Variants in ANKRD13C observed in about 807,000 individuals in gnomAD.
The protein encoded by ANKRD13C is ankyrin repeat domain 13C.
In ANKRD13C, 16 loss-of-function variants were observed where a neutral mutation model predicts 65.5. That is an observed-to-expected ratio of 0.24 (90% CI 0.17 to 0.37). ANKRD13C has a LOEUF of 0.37. ANKRD13C is among the 10% of genes least tolerant of loss of function. The probability of loss-of-function intolerance (pLI) is 1.00; values close to 1 mark genes in which losing one functional copy is unlikely to be tolerated. For synonymous variants in ANKRD13C, 235 were observed against 238.7 expected, an observed-to-expected ratio of 0.98 and a Z score of 0.14; for missense variants, 503 against 655.9, an observed-to-expected ratio of 0.77 and a Z score of 2.55.
intron 6 of ANKRD13C, among the ~76,000 whole-genome samples, chr1:70,302,741 A>G (rs1456967060): frequency 1.8e-5 from 2 of 109,146 alleles, no homozygotes; most frequent in East Asian, 4.5e-4. Context: ...AAAAAAAAAA[A>G]AAAAAAAAAA....
At chr1:70,331,778 T>A (rs1193644482) in intron 2 of ANKRD13C, among the ~76,000 whole-genome samples, 1 of 116,556 alleles carries the variant, frequency 8.6e-6, no homozygotes, top group Admixed American at 1.3e-4. Flanking sequence ...GCCGAGATCA[T>A]CCCACTGCAC....
At chr1:70,294,005 C>T (rs988430932) in intron 8 of ANKRD13C, among the ~76,000 whole-genome samples, 4 of 152,048 alleles carry the variant, frequency 2.6e-5, no homozygotes, top group African/African-American at 9.7e-5. Context: ...TGTCCAAAAA[C>T]AAGACTGAAT....
intron 1 of ANKRD13C, among the ~76,000 whole-genome samples, chr1:70,350,228 T>C (rs1572190137): frequency 6.6e-6 from 1 of 152,272 alleles, no homozygotes; most frequent in South Asian, 2.1e-4. Context: ...CCTGTTGTCT[T>C]TGCTCACAAG....
Position 70,343,505 on chromosome 1 carries a change from C to T in ANKRD13C, c.431-7406G>A, listed in dbSNP as rs557941856. Among the ~76,000 whole-genome samples, 18 of 152,280 alleles carry T rather than the reference C, an allele frequency of 1.2e-4. No individual in the cohort carries two copies. In the South Asian group the frequency reaches 3.3e-3, roughly 28 times the overall value. On this transcript the variant is annotated intron_variant, in intron 1 of 12. Transcript: ENST00000370944. ...GGTAAACTAAATCGAATTGTTTTGT[C>T]GAACAAGTGAAAAACATCCAGTAAT...
Position 70,308,984 on chromosome 1 carries a change from AAG to A in ANKRD13C, c.710-2696_710-2695del, listed in dbSNP as rs374417466. On this transcript the variant is annotated intron_variant, in intron 5 of 12. Coordinates refer to ENST00000370944, the MANE Select transcript of ANKRD13C (RefSeq NM_030816.5). ...CATAATTCACTAAACAGAAAATAAA[AAG>A]AGAGTTTTTAAATTTAAATTTTCAT... 5.5e-4 allele frequency among the ~76,000 whole-genome samples: 84 copies of A among 152,158 alleles called. 2 individuals are homozygous for A. The East Asian group carries it at 0.015, about 27-fold the overall frequency.
intron 5 of ANKRD13C, among the ~76,000 whole-genome samples, chr1:70,312,368 G>GTTT (rs372273835): frequency 1.1e-4 from 15 of 137,260 alleles, no homozygotes; most frequent in African/African-American, 4.0e-4. Context: ...TTCTATTACT[G>GTTT]TTTTTTTTTT....
Position 70,288,743 on chromosome 1 carries a change from G to C in ANKRD13C, c.1215+3645C>G, listed in dbSNP as rs182820447. 2.6e-3 allele frequency among the ~76,000 whole-genome samples: 400 copies of C among 152,316 alleles called. 3 individuals carry two copies. The highest frequency in any genetic ancestry group is 9.3e-3 in the African/African-American group (387 of 41,572). On this transcript the variant is annotated intron_variant, in intron 9 of 12. Coordinates refer to ENST00000370944, the MANE Select transcript of ANKRD13C (RefSeq NM_030816.5). ...TTGCCAGGCATAAGGGACAGAGAGAGGCTAAGGGGGCAGCAAATGTGCCTA... is the reference window on the plus strand; with the variant it reads ...TTGCCAGGCATAAGGGACAGAGAGACGCTAAGGGGGCAGCAAATGTGCCTA...
At chr1:70,342,725 CACACACACACAATA>C (rs1290960898) in intron 1 of ANKRD13C, among the ~76,000 whole-genome samples, 5 of 96,798 alleles carry the variant, frequency 5.2e-5, no homozygotes, top group Non-Finnish European at 1.2e-4. Flanking sequence ...AAGAAAGAAA[CACACACACACAATA>C]ACACACACAC....
At chr1:70,310,138 T>G (rs1416099016) in intron 5 of ANKRD13C, among the ~76,000 whole-genome samples, 1 of 152,216 alleles carries the variant, frequency 6.6e-6, no homozygotes, top group African/African-American at 2.4e-5. Flanking sequence ...TTCAAACTTG[T>G]TACTAAGTCT....
At chr1:70,350,628 A>G (rs1269544265) in intron 1 of ANKRD13C, among the ~76,000 whole-genome samples, 1 of 152,216 alleles carries the variant, frequency 6.6e-6, no homozygotes, top group Non-Finnish European at 1.5e-5. Flanking sequence ...AATGAGAAAA[A>G]AATATATTTA....
chr1:70,282,509 G>C lies in ANKRD13C; in HGVS notation c.1216-5665C>G, dbSNP rs565045651. On this transcript the variant is annotated intron_variant, in intron 9 of 12. Coordinates refer to ENST00000370944, the MANE Select transcript of ANKRD13C (RefSeq NM_030816.5). ...TGAGAGAAAAATAATCTTTTATCTT[G>C]TTTAAGTCACTGTTCTTTTGAGATT... is the stretch of plus-strand genomic sequence containing the variant. 2.4e-4 allele frequency among the ~76,000 whole-genome samples: 37 copies of C among 152,232 alleles called. No homozygotes were observed. The East Asian group carries it at 4.4e-3, about 18-fold the overall frequency.
chr1:70,314,631 A>T (rs17510920), intron 4 of ANKRD13C, among the ~76,000 whole-genome samples: 11,220 of 152,112 alleles, frequency 0.074, 545 homozygotes, highest in Non-Finnish European at 0.11. Context: ...AGCAACATCA[A>T]CAAGTTAGTC....
chr1:70,314,271 T>C (rs1572115876), intron 4 of ANKRD13C, among the ~76,000 whole-genome samples: 1 of 151,368 alleles, frequency 6.6e-6, no homozygotes, highest in Non-Finnish European at 1.5e-5. Flanking sequence ...CAGGTTGGAG[T>C]GTAGTGGCAT....
At chr1:70,301,896 A>T (rs1384252499) in intron 6 of ANKRD13C, among the ~76,000 whole-genome samples, 1 of 152,208 alleles carries the variant, frequency 6.6e-6, no homozygotes, top group Non-Finnish European at 1.5e-5. Flanking sequence ...CACAGTCCTA[A>T]AGCCAAGAAA....
intron 2 of ANKRD13C, among the ~76,000 whole-genome samples, chr1:70,330,574 C>CAAAAAAAAAAAAAAAAAAAAAAAAA (rs71071394): frequency 8.8e-5 from 6 of 68,390 alleles, no homozygotes; most frequent in East Asian, 4.4e-4. Flanking sequence ...ACAAACAAAC[C>CAAAAAAAAAAAAAAAAAAAAAAAAA]AAAAAAAAAA....
chr1:70,334,383 A>C (rs971089007), intron 2 of ANKRD13C, among the ~76,000 whole-genome samples: 4 of 152,164 alleles, frequency 2.6e-5, no homozygotes, highest in African/African-American at 9.7e-5. Context: ...ATTTGAACTT[A>C]AAAATCAAAC....
At chr1:70,289,704 C>T (rs370234023) in intron 9 of ANKRD13C, among the ~76,000 whole-genome samples, 5 of 151,686 alleles carry the variant, frequency 3.3e-5, no homozygotes, top group Non-Finnish European at 5.9e-5. Context: ...TCTCAATCTC[C>T]TGACCTCGTG....
intron 12 of ANKRD13C, among the ~76,000 whole-genome samples, chr1:70,268,182 A>T (rs368839551): frequency 6.6e-6 from 1 of 151,236 alleles, no homozygotes; most frequent in African/African-American, 2.4e-5. Flanking sequence ...CCCCGCCCCC[A>T]CCTTGAGACA....
At chr1:70,271,265 T>C (rs1490011409) in intron 11 of ANKRD13C, among the ~76,000 whole-genome samples, 1 of 152,238 alleles carries the variant, frequency 6.6e-6, no homozygotes, top group African/African-American at 2.4e-5. Flanking sequence ...AAAAGGCTCT[T>C]ATGTGCTTAA....
Sources: allele counts gnomAD v4.1 joint callset (sites outside exome capture counted in the v4.1 genomes callset), GRCh38; gene constraint gnomAD v4.1.1; transcripts MANE v1.5; gene names NCBI Gene and HGNC (gene_info 2026-07-23, HGNC 2026-07-21).